PHC2: variants seen among roughly 807,000 people sequenced by gnomAD.
PHC2 encodes polyhomeotic-like protein 2.
A neutral mutation model predicts 87.4 loss-of-function variants in PHC2; 29 were observed. The observed-to-expected ratio is 0.33, with a 90% CI of 0.25 to 0.45. PHC2 has a LOEUF of 0.45. PHC2 is among the 20% of genes least tolerant of loss of function. The probability of loss-of-function intolerance (pLI) is 1.00; values close to 1 mark genes in which losing one functional copy is unlikely to be tolerated. For missense variants in PHC2, 857 were observed against 1,136.7 expected (o/e 0.75, Z 3.54); for synonymous variants, 438 against 461.7 (o/e 0.95, Z 0.66).
intron 9 of PHC2, chr1:33,346,950 A>G (rs1190204018): frequency 4.1e-6 from 4 of 985,304 alleles, no homozygotes; most frequent in African/African-American, 1.7e-5. Flanking sequence ...GGGACAGCCT[A>G]TGTAAGAGCA....
rs747951027 is a variant in PHC2 at position 33,335,996 on chromosome 1, G to GTTGTTT, written c.1559-1705_1559-1704insAAACAA. ...TGTTTTTGTTGTTGTTGTTGTTGTT[G>GTTGTTT]TTTTTTTTTTTAGATGGAGTCTCAC... On this transcript the variant is annotated intron_variant, in intron 9 of 14. Transcript: ENST00000683057. Among the ~76,000 whole-genome samples the GTTGTTT allele has an allele frequency of 1.9e-3, 274 of 146,568 alleles. 1 individual carries two copies. Among genetic ancestry groups the GTTGTTT allele is most frequent in the African/African-American group, 6.5e-3 (262 of 40,370 alleles).
At chr1:33,416,167 A>G (rs1370520230) in intron 1 of PHC2, among the ~76,000 whole-genome samples, 1 of 152,228 alleles carries the variant, frequency 6.6e-6, no homozygotes, top group Non-Finnish European at 1.5e-5. Context: ...CATAATATAC[A>G]GAAAGTGACT....
rs923542833 is a variant in PHC2 at position 33,364,225 on chromosome 1, C to T, written c.976+2891G>A. 2.0e-5 allele frequency among the ~76,000 whole-genome samples: 3 copies of T among 152,048 alleles called. No individual in the cohort carries two copies. The highest frequency in any genetic ancestry group is 6.6e-5 in the Admixed American group (1 of 15,260). The stretch of plus-strand genomic sequence containing the variant: ...CCCCAGGAGAACACATTCCTCACTG[C>T]CATACCCCCTCCTACTGGCCCACTG... On this transcript the variant is annotated intron_variant, in intron 7 of 14. Coordinates refer to ENST00000683057, the MANE Select transcript of PHC2 (RefSeq NM_001385109.1). This position sits in a 1 kb window ranked among gnomAD's most constrained non-coding sequence, Gnocchi z 4.1.
intron 7 of PHC2, among the ~76,000 whole-genome samples, chr1:33,355,722 C>T (rs984390764): frequency 6.6e-6 from 1 of 152,256 alleles, no homozygotes. Context: ...TCAGGCGAGG[C>T]CTTCTCCAGG....
chr1:33,428,272 G>A (rs1650762887), intron 1 of PHC2, among the ~76,000 whole-genome samples: 1 of 152,190 alleles, frequency 6.6e-6, no homozygotes, highest in Non-Finnish European at 1.5e-5. Context: ...ATACAGGATA[G>A]TATTTGCACA....
intron 9 of PHC2, chr1:33,347,661 C>G (rs1239379467): frequency 4.1e-6 from 4 of 985,186 alleles, no homozygotes; most frequent in Non-Finnish European, 4.8e-6. Flanking sequence ...AGAAACTACC[C>G]CCTTTCTCAA....
intron 7 of PHC2, 26 bp downstream of exon 7, chr1:33,367,089 AG>A (rs1647495612): frequency 1.3e-6 from 2 of 1,565,844 alleles, no homozygotes; most frequent in East Asian, 4.5e-5. Context: ...TTTCTGGGAA[AG>A]GATTCCTGCT....
intron 1 of PHC2, among the ~76,000 whole-genome samples, chr1:33,406,766 A>G (rs569955702): frequency 6.6e-6 from 1 of 152,304 alleles, no homozygotes; most frequent in Non-Finnish European, 1.5e-5. Context: ...TCTACTTGTC[A>G]GAAGAATAAA....
chr1:33,418,396 T>C (rs1570515424), intron 1 of PHC2, among the ~76,000 whole-genome samples: 1 of 151,690 alleles, frequency 6.6e-6, no homozygotes, highest in East Asian at 1.9e-4. Context: ...AGGACACAAA[T>C]CACCAGTGAT....
Position 33,372,442 on chromosome 1 carries a change from G to T in PHC2, c.180C>A (p.Ile60=), listed in dbSNP as rs1344639192. The T allele has an allele frequency of 1.9e-6, 3 of 1,555,514 alleles. No homozygotes were observed. Among genetic ancestry groups the T allele is most frequent in the Non-Finnish European group, 2.6e-6 (3 of 1,145,998 alleles). ...GIPDRQTVQV[I]QQALHRQPST... is the part of the protein sequence containing the mutation. ...TGGGCTGTCTGTGCAGGGCCTGCTG[G>T]ATCACCTGAGAAGGGAGGGAGGGGG... Residue 60 remains isoleucine, a synonymous_variant, in exon 3 of 15, where the codon ATC becomes ATA. Transcript: ENST00000683057.
intron 9 of PHC2, chr1:33,347,029 C>T (rs184428951): frequency 2.0e-6 from 2 of 985,188 alleles, no homozygotes; most frequent in African/African-American, 1.7e-5. Flanking sequence ...CTTAACATGC[C>T]CTCTCCCCCT....
chr1:33,352,082 A>C (rs1557828790), intron 9 of PHC2, among the ~76,000 whole-genome samples: 2 of 152,100 alleles, frequency 1.3e-5, no homozygotes, highest in South Asian at 4.1e-4. Flanking sequence ...GCTTGTTTGT[A>C]TATCACCATG....
At chr1:33,405,058 T>C (rs191713626) in intron 1 of PHC2, among the ~76,000 whole-genome samples, 144 of 152,324 alleles carry the variant, frequency 9.5e-4, no homozygotes, top group African/African-American at 3.4e-3. Context: ...TTGGAGTTCA[T>C]TTATTTAAAA....
At chr1:33,346,565 CAA>C (rs1646848624) in intron 9 of PHC2, 1 of 985,098 alleles carries the variant, frequency 1.0e-6, no homozygotes, top group Non-Finnish European at 1.2e-6. Context: ...TAGACTGACT[CAA>C]GAAGAGGGAA....
At chr1:33,370,879 T>G (rs1647783831) in intron 4 of PHC2, 138 bp downstream of exon 4, 1 of 772,236 alleles carries the variant, frequency 1.3e-6, no homozygotes, top group Non-Finnish European at 2.3e-6. Flanking sequence ...CATGCCCTTT[T>G]CTTTTTCTTC....
intron 1 of PHC2, among the ~76,000 whole-genome samples, chr1:33,379,788 G>A (rs956154074): frequency 1.5e-4 from 22 of 151,660 alleles, no homozygotes; most frequent in African/African-American, 4.6e-4. Context: ...TGGTAGCTCC[G>A]TTTCCCTCTA....
intron 1 of PHC2, among the ~76,000 whole-genome samples, chr1:33,429,952 C>T (rs1650833256): frequency 6.6e-6 from 1 of 152,112 alleles, no homozygotes. Context: ...TATTTTTTAC[C>T]CCACACTTCC....
chr1:33,330,205 C>T lies in PHC2; in HGVS notation c.2014G>A (p.Val672Met), dbSNP rs1646460307. The change falls in exon 13 of 15, where the codon GTG becomes ATG. Residue 672 changes from valine (V) to methionine (M), a missense_variant. Val to Met is a conservative substitution (Grantham distance 21). This residue lies in a region of PHC2 where 832 missense variants were observed against 1,081.8 expected (regional missense o/e 0.77). Transcript: ENST00000683057. ...CSMACAKRYN[V>M]GCTKRVGLFH... ...AGTCCCACCCGTTTGGTGCATCCCACGTTGTACCTTCAGGGACAGGGGAAC... is the reference window on the plus strand; with the variant it reads ...AGTCCCACCCGTTTGGTGCATCCCATGTTGTACCTTCAGGGACAGGGGAAC... 1.9e-6 allele frequency: 3 copies of T among 1,614,126 alleles called. No individual in the cohort carries two copies. Among genetic ancestry groups the T allele is most frequent in the Non-Finnish European group, 2.5e-6 (3 of 1,180,032 alleles).
intron 1 of PHC2, among the ~76,000 whole-genome samples, chr1:33,428,290 G>T (rs1650763553): frequency 6.6e-6 from 1 of 152,158 alleles, no homozygotes; most frequent in Non-Finnish European, 1.5e-5. Flanking sequence ...ACACAAGCAG[G>T]TGTTCAGTAA....
Sources: allele counts gnomAD v4.1 joint callset (sites outside exome capture counted in the v4.1 genomes callset), GRCh38; gene constraint gnomAD v4.1.1; regional missense constraint gnomAD v4.1.1; non-coding constraint Gnocchi (gnomAD v3.1); transcripts MANE v1.5; gene names NCBI Gene and HGNC (gene_info 2026-07-23, HGNC 2026-07-21).